The following SREK1IP1 variants were observed in gnomAD, a reference collection of about 807,000 sequenced individuals.
SREK1IP1 encodes the protein protein SREK1IP1.
Under a neutral mutation model 22.8 loss-of-function variants are expected in SREK1IP1, and 12 were observed. That is an observed-to-expected ratio of 0.53 (90% confidence interval 0.34 to 0.85). The LOEUF is 0.85. Ranked by LOEUF, SREK1IP1 falls within the 40% of genes least tolerant of loss-of-function variation. SREK1IP1 has a pLI of 0.02. For missense variants in SREK1IP1, 147 were observed against 171.8 expected, an observed-to-expected ratio of 0.86 and a Z score of 0.81; for synonymous variants, 53 against 52.7, an observed-to-expected ratio of 1.01 and a Z score of -0.02.
intron 3 of SREK1IP1, among the ~76,000 whole-genome samples, chr5:64,740,486 A>C (rs1368628237): frequency 1.3e-5 from 2 of 152,134 alleles, no homozygotes; most frequent in Non-Finnish European, 2.9e-5. Flanking sequence ...GAAACTTCTT[A>C]TGTTAATATT....
At position 64,762,320 on chromosome 5, in the gene SREK1IP1, A is replaced by T. The variant is rs1023480883; in HGVS notation, c.13+6185T>A. 3.9e-5 allele frequency among the ~76,000 whole-genome samples: 6 copies of T among 152,274 alleles called. 1 individual carries two copies. Among genetic ancestry groups the T allele is most frequent in the Middle Eastern group, 6.8e-3 (2 of 294 alleles). On this transcript the variant is annotated intron_variant, in intron 1 of 4. Transcript: ENST00000513458. ...ACAGGACCCATTCTTTTCATTTTTA[A>T]TTGGATTAGAGTCAATTAGATTAAT...
rs950577904 is a variant in SREK1IP1 at position 64,723,933 on chromosome 5, A to G, written c.*451T>C. On this transcript the variant is annotated 3_prime_UTR_variant, in exon 5 of 5. Coordinates refer to ENST00000513458, the MANE Select transcript of SREK1IP1 (RefSeq NM_173829.4). ...TTTAAAAGATATTATATTTTAGTAC[A>G]TAAAGCTATTAAATTTCTCTGTGTC... is the stretch of plus-strand genomic sequence containing the variant. 6.5e-6 allele frequency: 1 copy of G among 153,000 alleles called. No individual in the cohort carries two copies. Among genetic ancestry groups the G allele is most frequent in the African/African-American group, 2.4e-5 (1 of 41,474 alleles). The allele number at this position is 153,000 out of a possible 1,614,324, so 9.5% of individuals were successfully genotyped here.
intron 1 of SREK1IP1, among the ~76,000 whole-genome samples, chr5:64,761,753 C>G (rs1742955012): frequency 6.6e-6 from 1 of 152,204 alleles, no homozygotes. Context: ...CAGTTGCCAG[C>G]TAAGAAATAC....
Position 64,727,928 on chromosome 5 carries a change from T to A in SREK1IP1, c.278+179A>T, listed in dbSNP as rs1453906623. Reference sequence around the variant, plus strand: ...TATTACAAGAATACAAATATTTTAGTCAATTTCATGTATATGAAGACAAAA... The same window carrying A: ...TATTACAAGAATACAAATATTTTAGACAATTTCATGTATATGAAGACAAAA... On this transcript the variant is annotated intron_variant, in intron 4 of 4. Transcript: ENST00000513458. The A allele has an allele frequency of 5.9e-6, 3 of 509,766 alleles. No homozygotes were observed. In the African/African-American group the frequency reaches 6.5e-5, roughly 11 times the overall value. The allele number at this position is 509,766 out of a possible 1,614,324, so 31.6% of individuals were successfully genotyped here.
intron 1 of SREK1IP1, among the ~76,000 whole-genome samples, chr5:64,766,358 T>C (rs376452738): frequency 2.6e-5 from 4 of 152,184 alleles, no homozygotes; most frequent in Non-Finnish European, 5.9e-5. Context: ...AAAACCCAGG[T>C]AAACCTCATT....
At chr5:64,726,575 C>CAAA (rs1267636357) in intron 4 of SREK1IP1, among the ~76,000 whole-genome samples, 1 of 54,698 alleles carries the variant, frequency 1.8e-5, no homozygotes. Flanking sequence ...GACTCTGTCT[C>CAAA]AAAAAAAAAA....
At chr5:64,728,494 A>T (rs1377566048) in intron 3 of SREK1IP1, among the ~76,000 whole-genome samples, 1 of 152,198 alleles carries the variant, frequency 6.6e-6, no homozygotes, top group Non-Finnish European at 1.5e-5. Context: ...AGAACACTAC[A>T]ACAGTGCACA....
intron 2 of SREK1IP1, among the ~76,000 whole-genome samples, chr5:64,744,461 T>C (rs1445381109): frequency 6.6e-6 from 1 of 152,146 alleles, no homozygotes; most frequent in Non-Finnish European, 1.5e-5. Flanking sequence ...TCTTCTGAGG[T>C]GGCAAGAATA....
chr5:64,732,791 G>C (rs532360748), intron 3 of SREK1IP1, among the ~76,000 whole-genome samples: 1 of 151,860 alleles, frequency 6.6e-6, no homozygotes, highest in Non-Finnish European at 1.5e-5. Context: ...CCCCATTCAA[G>C]ACTTATTTTA....
chr5:64,767,866 A>G (rs1176510980), intron 1 of SREK1IP1, among the ~76,000 whole-genome samples: 1 of 152,228 alleles, frequency 6.6e-6, no homozygotes, highest in Non-Finnish European at 1.5e-5. Context: ...CTGGTAGTTG[A>G]GGACGAGAAA....
chr5:64,762,754 T>A (rs1367823704), intron 1 of SREK1IP1, among the ~76,000 whole-genome samples: 2 of 152,146 alleles, frequency 1.3e-5, no homozygotes, highest in African/African-American at 4.8e-5. Flanking sequence ...AATAGTCCAT[T>A]AAAAATGCCT....
intron 1 of SREK1IP1, among the ~76,000 whole-genome samples, chr5:64,765,634 G>T (rs1397779765): frequency 6.6e-6 from 1 of 152,062 alleles, no homozygotes; most frequent in Non-Finnish European, 1.5e-5. Context: ...TTATTGCTGG[G>T]TTTAAACAGT....
chr5:64,737,249 C>T (rs1249690545), intron 3 of SREK1IP1, among the ~76,000 whole-genome samples: 1 of 151,758 alleles, frequency 6.6e-6, no homozygotes. Flanking sequence ...TTTCTGACCA[C>T]AATGGTATGA....
intron 3 of SREK1IP1, among the ~76,000 whole-genome samples, chr5:64,731,878 T>G (rs1430664268): frequency 1.3e-5 from 2 of 152,164 alleles, no homozygotes; most frequent in Non-Finnish European, 2.9e-5. Flanking sequence ...CTGGTTGTGG[T>G]GCTGGCCACC....
Position 64,724,389 on chromosome 5 carries a change from T to C in SREK1IP1, c.463A>G (p.Lys155Glu). The C allele has an allele frequency of 6.5e-7, 1 of 1,536,488 alleles. No homozygotes were observed. The highest frequency in any genetic ancestry group is 1.3e-5 in the South Asian group (1 of 75,484). Residue 155 changes from lysine to glutamate, a missense_variant, in exon 5 of 5, where the codon AAG (lysine) becomes GAG (glutamate). Physicochemically the swap from Lys to Glu is moderately conservative, Grantham distance 56. Coordinates refer to ENST00000513458, the MANE Select transcript of SREK1IP1 (RefSeq NM_173829.4). The part of the protein sequence containing the change: ...STPNSSEFSR[K>E] ...GGCTTAAGCCAAAGTCTCAGTTACTTTCTGGAGAATTCAGAACTATTAGGT... is the reference window on the plus strand; with the variant it reads ...GGCTTAAGCCAAAGTCTCAGTTACTCTCTGGAGAATTCAGAACTATTAGGT...
chr5:64,727,530 C>CATATATATATATATATAT (rs370322604), intron 4 of SREK1IP1: 6 of 117,480 alleles, frequency 5.1e-5, no homozygotes, highest in African/African-American at 2.4e-4. Flanking sequence ...CATATAATTA[C>CATATATATATATATATAT]ATATATATAT....
intron 2 of SREK1IP1, among the ~76,000 whole-genome samples, chr5:64,746,939 A>AG (rs1304572882): frequency 1.3e-5 from 2 of 152,226 alleles, no homozygotes; most frequent in East Asian, 3.8e-4. Flanking sequence ...AAAATTTGCT[A>AG]GAAAGGCTCA....
chr5:64,749,437 CT>C (rs397729423), intron 2 of SREK1IP1, among the ~76,000 whole-genome samples: 9,471 of 145,434 alleles, frequency 0.065, 913 homozygotes, highest in African/African-American at 0.22. Context: ...TTCTTGAAGT[CT>C]TTTTTTTTTT....
At chr5:64,751,792 A>C (rs1364242197) in intron 2 of SREK1IP1, among the ~76,000 whole-genome samples, 16 of 152,230 alleles carry the variant, frequency 1.1e-4, no homozygotes. Context: ...AAACTATAAA[A>C]AATAGAAAAT....
Sources: gnomAD v4.1 joint callset for allele counts (sites outside exome capture counted in the v4.1 genomes callset) on GRCh38, gnomAD v4.1.1 for gene constraint, MANE v1.5 for transcripts, NCBI Gene and HGNC (gene_info 2026-07-23, HGNC 2026-07-21) for gene names.